Variants in CERT1 observed in about 807,000 individuals in gnomAD.
The protein encoded by CERT1 is ceramide transfer protein.
CERT1 carries 31 observed loss-of-function variants against 87.9 expected under a neutral mutation model. The observed-to-expected ratio is 0.35, with a 90% CI of 0.27 to 0.48. The LOEUF is 0.48. CERT1 is among the 20% of genes least tolerant of loss of function. The probability of loss-of-function intolerance (pLI) is 0.99; values close to 1 mark genes in which losing one functional copy is unlikely to be tolerated. For missense variants in CERT1, 487 were observed against 758.0 expected (o/e 0.64, Z 4.20); for synonymous variants, 289 against 250.9 (o/e 1.15, Z -1.44).
chr5:75,457,852 T>A (rs1373791841), intron 3 of CERT1, among the ~76,000 whole-genome samples: 5 of 151,098 alleles, frequency 3.3e-5, no homozygotes, highest in African/African-American at 1.2e-4. Flanking sequence ...ATCAATCGTG[T>A]TAGCTTTTCT....
At chr5:75,408,571 G>A (rs1762805918) in intron 8 of CERT1, among the ~76,000 whole-genome samples, 3 of 152,140 alleles carry the variant, frequency 2.0e-5, no homozygotes, top group African/African-American at 4.8e-5. Flanking sequence ...ATGAGTGGGA[G>A]CTAAATAATA....
chr5:75,506,571 G>A (rs535112176), intron 1 of CERT1, among the ~76,000 whole-genome samples: 3 of 152,172 alleles, frequency 2.0e-5, no homozygotes, highest in Admixed American at 6.5e-5. Flanking sequence ...CTAAATCAAC[G>A]GAAGTATAAA....
At chr5:75,376,216 T>C (rs961714167), downstream of CERT1, 2 of 152,246 alleles carry the variant, frequency 1.3e-5, no homozygotes, top group Non-Finnish European at 2.9e-5. Context: ...AAAATTATTC[T>C]TCTCAAATAT....
chr5:75,459,212 A>C, intron 2 of CERT1, 31 bp from the exon 3 acceptor site: 1 of 1,358,830 alleles, frequency 7.4e-7, no homozygotes, highest in Admixed American at 1.7e-5. Flanking sequence ...ATGAAAAGCA[A>C]AGCTAATTAT....
At chr5:75,433,602 C>G (rs987997811) in intron 3 of CERT1, among the ~76,000 whole-genome samples, 2 of 152,132 alleles carry the variant, frequency 1.3e-5, no homozygotes, top group African/African-American at 4.8e-5. Context: ...CTCACTGAAG[C>G]CTCAACCTCC....
At chr5:75,396,729 C>CAAAA (rs375730002) in intron 11 of CERT1, among the ~76,000 whole-genome samples, 4 of 92,632 alleles carry the variant, frequency 4.3e-5, no homozygotes, top group African/African-American at 1.3e-4. Flanking sequence ...AACTCCGTCT[C>CAAAA]AAAAAAAAAA....
intron 2 of CERT1, among the ~76,000 whole-genome samples, chr5:75,477,430 T>A (rs757899146): frequency 6.6e-6 from 1 of 151,996 alleles, no homozygotes; most frequent in Non-Finnish European, 1.5e-5. Flanking sequence ...CTGTTGTGTT[T>A]CCATGAAACT....
rs1377994998 is a variant in CERT1 at position 75,400,262 on chromosome 5, T to C, written c.1053A>G (p.Thr351=). The C allele has an allele frequency of 1.2e-6, 2 of 1,613,658 alleles. No homozygotes were observed. The highest frequency in any genetic ancestry group is 1.3e-5 in the African/African-American group (1 of 74,924). ...AAAAGGCATCTCCAGAGGGCAAGGA[T>C]GTAGGCCAATGTAATCTCACCTTTT... ...QSEKVRLHWP[T]SLPSGDAFSS... The change falls in exon 10 of 17, where the codon ACA becomes ACG. Residue 351 remains threonine (T), a synonymous_variant. Transcript: ENST00000643780.
intron 12 of CERT1, among the ~76,000 whole-genome samples, chr5:75,388,039 A>C (rs1761870716): frequency 6.6e-6 from 1 of 152,198 alleles, no homozygotes; most frequent in South Asian, 2.1e-4. Flanking sequence ...AGAAGAAATA[A>C]GGCAGGTCTG....
At chr5:75,447,343 A>G (rs1402694147) in intron 3 of CERT1, among the ~76,000 whole-genome samples, 3 of 152,140 alleles carry the variant, frequency 2.0e-5, no homozygotes, top group Non-Finnish European at 4.4e-5. Context: ...ATCTCCATCC[A>G]TAATGTTTTT....
intron 3 of CERT1, among the ~76,000 whole-genome samples, chr5:75,426,865 G>A (rs1763639596): frequency 6.6e-6 from 1 of 152,148 alleles, no homozygotes; most frequent in African/African-American, 2.4e-5. Flanking sequence ...TGATGGTGAC[G>A]GTTGAACAAT....
chr5:75,417,417 T>C (rs1763178042), intron 6 of CERT1, among the ~76,000 whole-genome samples: 1 of 152,056 alleles, frequency 6.6e-6, no homozygotes, highest in Non-Finnish European at 1.5e-5. Flanking sequence ...GAAGATAAAC[T>C]AAAGAATCTA....
At chr5:75,481,828 ATTACTGTGAT>A (rs1393109934) in intron 2 of CERT1, among the ~76,000 whole-genome samples, 2 of 152,116 alleles carry the variant, frequency 1.3e-5, no homozygotes, top group African/African-American at 4.8e-5. Context: ...CACTGACAAT[ATTACTGTGAT>A]TTTTGGCTAC....
intron 2 of CERT1, among the ~76,000 whole-genome samples, chr5:75,460,448 G>A (rs2112315898): frequency 1.3e-5 from 2 of 152,292 alleles, no homozygotes; most frequent in Non-Finnish European, 2.9e-5. Context: ...TAGTGAAAAT[G>A]TCAACTTTTT....
intron 3 of CERT1, among the ~76,000 whole-genome samples, chr5:75,439,936 A>C (rs534509551): frequency 6.6e-6 from 1 of 152,224 alleles, no homozygotes; most frequent in African/African-American, 2.4e-5. Context: ...GAGAAGTTAT[A>C]GTCTGTAGCA....
chr5:75,506,155 A>G (rs1375343532), intron 1 of CERT1, 39 bp from the exon 2 acceptor site: 1 of 1,591,514 alleles, frequency 6.3e-7, no homozygotes, highest in African/African-American at 1.4e-5. Context: ...GAAGAAAACA[A>G]AAAATAGAAG....
chr5:75,454,144 T>C (rs116070404), intron 3 of CERT1, among the ~76,000 whole-genome samples: 5,451 of 152,310 alleles, frequency 0.036, 143 homozygotes, highest in Middle Eastern at 0.075. Flanking sequence ...ACTATTGTTT[T>C]ATCATGGATA....
At chr5:75,426,193 A>G (rs1009257066) in intron 4 of CERT1, among the ~76,000 whole-genome samples, 178 bp downstream of exon 4, 6 of 152,150 alleles carry the variant, frequency 3.9e-5, no homozygotes, top group Admixed American at 2.0e-4. Flanking sequence ...AATCAGTGAC[A>G]TGTGTTCATC....
intron 3 of CERT1, among the ~76,000 whole-genome samples, chr5:75,454,050 G>A (rs1425060371): frequency 1.3e-5 from 2 of 152,144 alleles, no homozygotes; most frequent in Non-Finnish European, 2.9e-5. Flanking sequence ...TCTACTAATG[G>A]CAAGTGGTGC....
Sources: gnomAD v4.1 joint callset for allele counts (sites outside exome capture counted in the v4.1 genomes callset) on GRCh38, gnomAD v4.1.1 for gene constraint, MANE v1.5 for transcripts, NCBI Gene and HGNC (gene_info 2026-07-23, HGNC 2026-07-21) for gene names.